ANO10: variants seen among roughly 807,000 people sequenced by gnomAD.
ANO10 encodes anoctamin 10.
Under a neutral mutation model 74.7 loss-of-function variants are expected in ANO10, and 77 were observed. The observed-to-expected ratio is 1.03, with a 90% CI of 0.86 to 1.25. The LOEUF (loss-of-function observed/expected upper bound fraction) is 1.25. Among genes scored for constraint, ANO10 ranks in the 50% most tolerant of loss-of-function variants. ANO10 has a pLI of 0.00. For synonymous variants in ANO10, 279 were observed against 284.9 expected (o/e 0.98, Z 0.21); for missense variants, 721 against 778.1 (o/e 0.93, Z 0.87).
intron 11 of ANO10, among the ~76,000 whole-genome samples, chr3:43,500,834 G>A (rs1418542124): frequency 6.6e-6 from 1 of 152,126 alleles, no homozygotes; most frequent in Non-Finnish European, 1.5e-5. Flanking sequence ...GGTTTAGAAA[G>A]ACTCCATAAG....
intron 11 of ANO10, among the ~76,000 whole-genome samples, chr3:43,445,151 A>G (rs950921640): frequency 6.7e-6 from 1 of 148,304 alleles, no homozygotes; most frequent in African/African-American, 2.5e-5. Flanking sequence ...AAAAGTTAAG[A>G]GATGCACACA....
chr3:43,525,250 T>C (rs1174773519), intron 11 of ANO10, among the ~76,000 whole-genome samples: 3 of 152,124 alleles, frequency 2.0e-5, no homozygotes, highest in African/African-American at 7.2e-5. Context: ...TGGGACTCCA[T>C]GGTCCCTGGG....
chr3:43,685,540 C>A lies in ANO10; in HGVS notation c.-12+5977G>T, dbSNP rs76885027. ...CTATGTGCACATGAGAAAGGTCAGA[C>A]CCCCAGAAGTTAAATTCCTGGGCCA... is the stretch of plus-strand genomic sequence containing the variant. On this transcript the variant is annotated intron_variant, in intron 1 of 3. Coordinates refer to the ANO10 transcript ENST00000413397. Among the ~76,000 whole-genome samples, 1,298 of 152,280 alleles carry A rather than the reference C, an allele frequency of 8.5e-3. 11 individuals are homozygous for A. The highest frequency in any genetic ancestry group is 0.028 in the African/African-American group (1,174 of 41,548).
At chr3:43,413,193 G>A (rs1423799995) in intron 12 of ANO10, among the ~76,000 whole-genome samples, 1 of 152,156 alleles carries the variant, frequency 6.6e-6, no homozygotes, top group Non-Finnish European at 1.5e-5. Context: ...CTATGGAAGA[G>A]GCCACAGGAG....
Position 43,551,382 on chromosome 3 carries a change from A to T in ANO10, c.1669-1534T>A, listed in dbSNP as rs1189231201. The T allele has an allele frequency of 3.7e-5, 13 of 350,106 alleles. 1 individual carries two copies. The highest frequency in any genetic ancestry group is 1.9e-4 in the Admixed American group (5 of 26,048). 21.7% of individuals were successfully genotyped at this position (350,106 alleles called of 1,614,324 possible). ...GTAACTAAACTTTCAGGTTTTTTTT[A>T]AAATCACCTATATTGAGTTATAATT... On this transcript the variant is annotated intron_variant, in intron 10 of 12. Transcript: ENST00000292246.
intron 1 of ANO10, among the ~76,000 whole-genome samples, chr3:43,684,959 A>C (rs568819675): frequency 6.6e-6 from 1 of 152,350 alleles, no homozygotes; most frequent in South Asian, 2.1e-4. Context: ...GAGGGATAGC[A>C]TTAGGAGATA....
chr3:43,507,415 C>A (rs1056443411), intron 11 of ANO10, among the ~76,000 whole-genome samples: 1 of 152,150 alleles, frequency 6.6e-6, no homozygotes, highest in African/African-American at 2.4e-5. Flanking sequence ...TCACCCAGGG[C>A]TGCTTCTTCA....
chr3:43,405,715 C>CTA (rs2092564138), intron 12 of ANO10, among the ~76,000 whole-genome samples: 1 of 152,188 alleles, frequency 6.6e-6, no homozygotes, highest in African/African-American at 2.4e-5. Flanking sequence ...CTCAAGTGAT[C>CTA]TACCCACCTC....
At position 43,417,469 on chromosome 3, in the gene ANO10, C is replaced by G. The variant is rs183593008; in HGVS notation, c.1914+15142G>C. Among the ~76,000 whole-genome samples the G allele has an allele frequency of 4.2e-4, 64 of 152,284 alleles. No homozygotes were observed. In the East Asian group the frequency reaches 0.012, roughly 29 times the overall value. On this transcript the variant is annotated intron_variant, in intron 12 of 12. Transcript: ENST00000292246. ...TCAAGCCGGACTACAAAGTCCGGCG[C>G]ATCCACTACCGGTTGCTCTTTTCCT...
At chr3:43,679,699 C>T (rs1212689479) in intron 1 of ANO10, among the ~76,000 whole-genome samples, 5 of 152,206 alleles carry the variant, frequency 3.3e-5, no homozygotes, top group African/African-American at 1.2e-4. Context: ...CCAGTAGGGG[C>T]AGACTGTCAC....
intron 1 of ANO10, among the ~76,000 whole-genome samples, chr3:43,628,916 T>G (rs1477454771): frequency 6.6e-6 from 1 of 152,228 alleles, no homozygotes; most frequent in Non-Finnish European, 1.5e-5. Flanking sequence ...AATTTTAATT[T>G]CGCCCCAGTC....
intron 9 of ANO10, among the ~76,000 whole-genome samples, chr3:43,557,036 C>T (rs995090316): frequency 2.0e-5 from 3 of 151,962 alleles, no homozygotes; most frequent in Non-Finnish European, 4.4e-5. Context: ...ACAGCATTCC[C>T]ATATGCCAGC....
intron 11 of ANO10, among the ~76,000 whole-genome samples, chr3:43,470,897 G>A (rs2075830377): frequency 6.6e-6 from 1 of 152,024 alleles, no homozygotes; most frequent in African/African-American, 2.4e-5. Flanking sequence ...AAAGTGCTGG[G>A]ATTACAGGTG....
chr3:43,432,688 T>C lies in ANO10; in HGVS notation c.1837A>G (p.Ile613Val), dbSNP rs1373132609. The part of the protein sequence containing the change: ...LALKFILAFA[I>V]PDKPRHIQMK... ...TGGATATGCCGTGGCTTATCAGGTA[T>C]GGCAAATGCAAGTATAAACTTTAAA... The change falls in exon 12 of 13, where the codon ATA becomes GTA. Residue 613 changes from isoleucine to valine, a missense_variant. Ile to Val is a conservative substitution (Grantham distance 29, BLOSUM62 3). Transcript: ENST00000292246. 3.7e-6 allele frequency: 6 copies of C among 1,613,958 alleles called. No individual in the cohort carries two copies. The highest frequency in any genetic ancestry group is 4.5e-5 in the East Asian group (2 of 44,828).
rs964297206 is a variant in ANO10, at chr3:43,633,907, A to C, written c.-11-28044T>G. Among the ~76,000 whole-genome samples the C allele has an allele frequency of 6.0e-5, 9 of 151,050 alleles. No individual in the cohort carries two copies. In the East Asian group the frequency reaches 1.2e-3, roughly 20 times the overall value. On this transcript the variant is annotated intron_variant, in intron 1 of 3. Transcript: ENST00000413397. ...TTGCATCGTAGCTAAAAAAAAAAAAACTCAGACTTTTAACCCTGGTCTTTT... is the reference window on the plus strand; with the variant it reads ...TTGCATCGTAGCTAAAAAAAAAAAACCTCAGACTTTTAACCCTGGTCTTTT...
At chr3:43,447,274 T>C (rs1202228372) in intron 11 of ANO10, among the ~76,000 whole-genome samples, 2 of 152,188 alleles carry the variant, frequency 1.3e-5, no homozygotes, top group African/African-American at 4.8e-5. Flanking sequence ...TATAAGTAGA[T>C]TCTGTCAAAT....
intron 10 of ANO10, among the ~76,000 whole-genome samples, chr3:43,553,542 T>C (rs1440506419): frequency 4.7e-5 from 7 of 147,588 alleles, no homozygotes; most frequent in African/African-American, 1.2e-4. Context: ...TTTCTCTCTT[T>C]TTTTTTTTTT....
intron 12 of ANO10, among the ~76,000 whole-genome samples, chr3:43,379,482 T>C (rs1441428191): frequency 1.3e-5 from 2 of 152,204 alleles, no homozygotes; most frequent in Non-Finnish European, 2.9e-5. Context: ...CAAGAACTAC[T>C]GCAGGAACAT....
chr3:43,531,274 T>A (rs2078455851), intron 11 of ANO10, among the ~76,000 whole-genome samples: 1 of 152,214 alleles, frequency 6.6e-6, no homozygotes, highest in South Asian at 2.1e-4. Context: ...TTTTTAACAA[T>A]CTTTAAATTA....
Sources: gnomAD v4.1 joint callset for allele counts (sites outside exome capture counted in the v4.1 genomes callset) on GRCh38, gnomAD v4.1.1 for gene constraint, MANE v1.5 for transcripts, NCBI Gene and HGNC (gene_info 2026-07-23, HGNC 2026-07-21) for gene names.